RBFOX1: variants seen among roughly 807,000 people sequenced by gnomAD.
The protein encoded by RBFOX1 is RNA binding fox-1 homolog 1.
A neutral mutation model predicts 57.7 loss-of-function variants in RBFOX1; 8 were observed. The observed-to-expected ratio is 0.14, with a 90% CI of 0.08 to 0.25. The LOEUF is 0.25. Among genes scored for constraint, RBFOX1 ranks in the 10% least tolerant of loss-of-function variants. The probability of loss-of-function intolerance (pLI) is 1.00; values close to 1 mark genes in which losing one functional copy is unlikely to be tolerated. For synonymous variants in RBFOX1, 326 were observed against 222.4 expected, an observed-to-expected ratio of 1.47 and a Z score of -4.15; for missense variants, 611 against 548.5, an observed-to-expected ratio of 1.11 and a Z score of -1.14.
intron 4 of RBFOX1, among the ~76,000 whole-genome samples, chr16:7,468,624 TG>T (rs2060967881): frequency 6.6e-6 from 1 of 152,164 alleles, no homozygotes; most frequent in Non-Finnish European, 1.5e-5. Flanking sequence ...TTTAGGAATC[TG>T]GGGAACTTAT....
At chr16:6,906,252 A>G (rs556925614) in intron 3 of RBFOX1, among the ~76,000 whole-genome samples, 38 of 151,676 alleles carry the variant, frequency 2.5e-4, no homozygotes, top group African/African-American at 8.0e-4. Flanking sequence ...CCCCCCCAAA[A>G]TATACATTGT....
intron 3 of RBFOX1, among the ~76,000 whole-genome samples, chr16:7,013,458 G>T (rs552254104): frequency 6.6e-6 from 1 of 152,138 alleles, no homozygotes; most frequent in Admixed American, 6.5e-5. Context: ...GATGCTACTC[G>T]CATCTAGCAG....
In RBFOX1 at chr16:6,321,856, G is replaced by A. The variant is rs1029305911; in HGVS notation, c.-64+4799G>A. On this transcript the variant is annotated intron_variant, in intron 2 of 15. Coordinates refer to ENST00000550418, the MANE Select transcript of RBFOX1 (RefSeq NM_018723.4). ...TCGTCTTCAAAGCTTTCACTTCTAC[G>A]TTGGTAGGTTTAGAATAATAGACTC... 5.3e-5 allele frequency among the ~76,000 whole-genome samples: 8 copies of A among 152,262 alleles called. No homozygotes were observed. In the South Asian group the frequency reaches 8.3e-4, roughly 16 times the overall value.
chr16:5,876,251 C>T (rs2057607082), intron 4 of RBFOX1, among the ~76,000 whole-genome samples: 1 of 152,204 alleles, frequency 6.6e-6, no homozygotes, highest in Non-Finnish European at 1.5e-5. Flanking sequence ...AGCCAGGCCA[C>T]TCTGCAAGTC....
At position 6,050,118 on chromosome 16, in the gene RBFOX1, C is replaced by T. The variant is rs192208501; in HGVS notation, c.-127+30126C>T. ...GAACTGCAGGTGTATGCCACGACGC[C>T]TGACTAATTTTTGTACTTTTTAATA... On this transcript the variant is annotated intron_variant, in intron 1 of 15. Transcript: ENST00000550418. Among the ~76,000 whole-genome samples, 555 of 152,096 alleles carry T rather than the reference C, an allele frequency of 3.6e-3. 2 individuals are homozygous for T. Among genetic ancestry groups the T allele is most frequent in the Non-Finnish European group, 6.0e-3 (411 of 67,996 alleles).
chr16:6,305,770 G>A (rs1322961189), intron 1 of RBFOX1, among the ~76,000 whole-genome samples: 2 of 151,808 alleles, frequency 1.3e-5, no homozygotes, highest in African/African-American at 4.8e-5. Flanking sequence ...ACTCACCCAA[G>A]GTCAAGCAAC....
At chr16:6,896,912 G>A (rs916010708) in intron 3 of RBFOX1, among the ~76,000 whole-genome samples, 34 of 152,250 alleles carry the variant, frequency 2.2e-4, no homozygotes, top group African/African-American at 8.2e-4. Flanking sequence ...TAAAAAAAAT[G>A]CATTTGGTGA....
At chr16:6,275,825 A>G (rs951805309) in intron 1 of RBFOX1, among the ~76,000 whole-genome samples, 13 of 152,346 alleles carry the variant, frequency 8.5e-5, no homozygotes, top group Non-Finnish European at 1.6e-4. Flanking sequence ...ACCTTGTGAA[A>G]TAAAGAAGGA....
rs550242659 is a variant in RBFOX1 at position 5,849,611 on chromosome 16, C to G, written c.319-17692C>G. On this transcript the variant is annotated intron_variant, in intron 3 of 19. Coordinates refer to the RBFOX1 transcript ENST00000641259. ...ACTGTAAGCCGCAGTCACCAGTGCT[C>G]AGAGTCAGGAAATCTGGAAGTGCCG... is the stretch of plus-strand genomic sequence containing the variant. 7.6e-4 allele frequency among the ~76,000 whole-genome samples: 116 copies of G among 152,276 alleles called. 1 individual carries two copies. Among genetic ancestry groups the G allele is most frequent in the African/African-American group, 2.6e-3 (109 of 41,550 alleles).
chr16:6,659,979 C>T (rs189056355), intron 3 of RBFOX1, among the ~76,000 whole-genome samples: 3 of 151,960 alleles, frequency 2.0e-5, no homozygotes, highest in Non-Finnish European at 4.4e-5. Flanking sequence ...GCCTGTAATC[C>T]CAGCACTTTT....
chr16:7,391,013 C>G (rs148594858), intron 4 of RBFOX1, among the ~76,000 whole-genome samples: 1 of 152,082 alleles, frequency 6.6e-6, no homozygotes, highest in South Asian at 2.1e-4. Context: ...TGCTGACCCT[C>G]GTGCTTTTTG....
chr16:5,628,582 C>T (rs1445143049), intron 3 of RBFOX1, among the ~76,000 whole-genome samples: 1 of 152,146 alleles, frequency 6.6e-6, no homozygotes, highest in Non-Finnish European at 1.5e-5. Context: ...CTGAACTGTC[C>T]TAGAGTTATT....
chr16:5,384,408 T>G (rs1470144453), intron 1 of RBFOX1, among the ~76,000 whole-genome samples: 1 of 152,182 alleles, frequency 6.6e-6, no homozygotes, highest in Non-Finnish European at 1.5e-5. Flanking sequence ...GGATATAAGT[T>G]AAGGCACTAA....
intron 1 of RBFOX1, among the ~76,000 whole-genome samples, chr16:6,315,099 C>G (rs1001379108): frequency 6.6e-6 from 1 of 152,238 alleles, no homozygotes; most frequent in African/African-American, 2.4e-5. Context: ...AAGCACAATG[C>G]TACTTGTTTT....
chr16:6,559,986 C>G (rs1242092336), intron 2 of RBFOX1, among the ~76,000 whole-genome samples: 1 of 152,062 alleles, frequency 6.6e-6, no homozygotes, highest in African/African-American at 2.4e-5. Flanking sequence ...TTGTCACAGG[C>G]CATTGTTCTT....
At chr16:6,819,802 C>A (rs566101041) in intron 3 of RBFOX1, among the ~76,000 whole-genome samples, 1 of 148,974 alleles carries the variant, frequency 6.7e-6, no homozygotes, top group Non-Finnish European at 1.5e-5. Context: ...TTGTTGATTA[C>A]GACACTGGTA....
chr16:7,699,206 G>A (rs567945397), intron 14 of RBFOX1, among the ~76,000 whole-genome samples: 1 of 152,148 alleles, frequency 6.6e-6, no homozygotes, highest in East Asian at 1.9e-4. Flanking sequence ...TTTTCTCTTT[G>A]AGATAGGGTC....
chr16:5,959,554 A>G (rs2059709448), intron 4 of RBFOX1, among the ~76,000 whole-genome samples: 1 of 152,176 alleles, frequency 6.6e-6, no homozygotes, highest in Admixed American at 6.5e-5. Context: ...TCCAAAACAG[A>G]ATTTCTTTAT....
chr16:5,660,535 C>T (rs963137182), intron 3 of RBFOX1, among the ~76,000 whole-genome samples: 4 of 152,066 alleles, frequency 2.6e-5, no homozygotes, highest in Non-Finnish European at 4.4e-5. Context: ...ATTAAATCAC[C>T]CAGGTGCTAT....
Sources: allele counts gnomAD v4.1 joint callset (sites outside exome capture counted in the v4.1 genomes callset), GRCh38; gene constraint gnomAD v4.1.1; transcripts MANE v1.5; gene names NCBI Gene and HGNC (gene_info 2026-07-23, HGNC 2026-07-21).